DECR1: variants seen among roughly 807,000 people sequenced by gnomAD.
DECR1 encodes 2,4-dienoyl-CoA reductase [(3E)-enoyl-CoA-producing], mitochondrial.
In DECR1, 44 loss-of-function variants were observed where a neutral mutation model predicts 38.8. The ratio of observed to expected loss-of-function variants is 1.13; its 90% CI spans 0.89 to 1.46. The LOEUF (loss-of-function observed/expected upper bound fraction) is 1.46. DECR1 is among the 40% of genes most tolerant of loss of function. The probability of loss-of-function intolerance (pLI) is 0.00; values close to 1 mark genes in which losing one functional copy is unlikely to be tolerated. For synonymous variants in DECR1, 148 were observed against 135.2 expected (o/e 1.09, Z -0.66); for missense variants, 428 against 405.5 (o/e 1.06, Z -0.48).
Position 90,024,190 on chromosome 8 carries a change from G to A in DECR1, c.565+3134G>A, listed in dbSNP as rs140358708. Among the ~76,000 whole-genome samples, 629 of 152,332 alleles carry A rather than the reference G, an allele frequency of 4.1e-3. 8 individuals carry two copies. The highest frequency in any genetic ancestry group is 0.014 in the African/African-American group (589 of 41,552). On this transcript the variant is annotated intron_variant, in intron 5 of 9. Coordinates refer to ENST00000220764, the MANE Select transcript of DECR1 (RefSeq NM_001359.2). Reference sequence around the variant, plus strand: ...CCACAATAAGCATACATGTGCATATGTCTTTATAGCAGCATGATTTATAAT... The same window carrying A: ...CCACAATAAGCATACATGTGCATATATCTTTATAGCAGCATGATTTATAAT...
intron 2 of DECR1, among the ~76,000 whole-genome samples, chr8:90,017,859 A>C (rs1813048559): frequency 6.6e-6 from 1 of 152,184 alleles, no homozygotes; most frequent in South Asian, 2.1e-4. Context: ...TATACCAGGA[A>C]AATTGATGCA....
At chr8:90,023,050 C>T (rs1182984534) in intron 5 of DECR1, among the ~76,000 whole-genome samples, 1 of 152,102 alleles carries the variant, frequency 6.6e-6, no homozygotes, top group African/African-American at 2.4e-5. Flanking sequence ...GAGGGGAGTA[C>T]GCGGTAAAGG....
chr8:90,018,886 T>A (rs1485705295), intron 2 of DECR1, 23 bp from the exon 3 acceptor site: 1 of 1,535,984 alleles, frequency 6.5e-7, no homozygotes, highest in African/African-American at 1.4e-5. Context: ...TAATATGAAG[T>A]CATACAAGGT....
chr8:90,005,574 A>G (rs1437182439), intron 1 of DECR1: 5 of 390,900 alleles, frequency 1.3e-5, no homozygotes, highest in African/African-American at 6.3e-5. Context: ...AGGGCAGAAC[A>G]TTGTCCTCTG....
chr8:90,023,302 TGTA>T (rs1813212233), intron 5 of DECR1, among the ~76,000 whole-genome samples: 1 of 152,208 alleles, frequency 6.6e-6, no homozygotes, highest in South Asian at 2.1e-4. Flanking sequence ...GGTGTTTTCT[TGTA>T]GTATTTAGAA....
intron 5 of DECR1, among the ~76,000 whole-genome samples, chr8:90,022,433 T>C (rs73308410): frequency 0.021 from 3,134 of 152,270 alleles, 96 homozygotes; most frequent in African/African-American, 0.07. Flanking sequence ...TCCTGGTTAC[T>C]CATTTCCATG....
At chr8:90,020,600 C>T (rs1403041936) in intron 4 of DECR1, among the ~76,000 whole-genome samples, 3 of 152,088 alleles carry the variant, frequency 2.0e-5, no homozygotes, top group Non-Finnish European at 2.9e-5. Context: ...CGCTTTGTTG[C>T]CCAGCCTGGT....
At chr8:90,021,220 G>GTT (rs1813154651) in intron 5 of DECR1, among the ~76,000 whole-genome samples, 164 bp downstream of exon 5, 3 of 152,202 alleles carry the variant, frequency 2.0e-5, no homozygotes, top group East Asian at 3.8e-4. Flanking sequence ...GTTACAATTT[G>GTT]AGCAGTAATA....
intron 8 of DECR1, among the ~76,000 whole-genome samples, chr8:90,045,263 G>A (rs569757721): frequency 3.3e-5 from 5 of 152,166 alleles, no homozygotes; most frequent in African/African-American, 1.2e-4. Context: ...GGGGGTTGGG[G>A]AATTCCCTTT....
chr8:90,040,742 TGTTA>T (rs1003317663), intron 6 of DECR1, among the ~76,000 whole-genome samples: 10 of 152,264 alleles, frequency 6.6e-5, no homozygotes, highest in Non-Finnish European at 1.0e-4. Context: ...TCTGTTCCTG[TGTTA>T]GTTTGCTGAG....
At chr8:90,040,767 T>G (rs755490832) in intron 6 of DECR1, among the ~76,000 whole-genome samples, 5 of 152,188 alleles carry the variant, frequency 3.3e-5, no homozygotes, top group Non-Finnish European at 7.3e-5. Context: ...AATGACAGTT[T>G]CCAGCTTCAT....
intron 5 of DECR1, among the ~76,000 whole-genome samples, chr8:90,026,639 A>G (rs13251290): frequency 0.51 from 77,257 of 151,824 alleles, 21,984 homozygotes; most frequent in African/African-American, 0.77. Flanking sequence ...TCTTGCTGGC[A>G]GTCTATCAAT....
intron 1 of DECR1, chr8:90,005,177 G>A (rs1159356061): frequency 2.7e-6 from 1 of 365,084 alleles, no homozygotes; most frequent in Non-Finnish European, 5.3e-6. Flanking sequence ...TGGAGTTGGT[G>A]AAGTATGGGA....
At chr8:90,016,815 A>G (rs1813020426) in intron 1 of DECR1, 1 of 322,120 alleles carries the variant, frequency 3.1e-6, no homozygotes, top group Non-Finnish European at 5.9e-6. Flanking sequence ...TCACAATGCC[A>G]TATGAAGAAA....
chr8:90,043,962 A>G (rs1813825615), intron 7 of DECR1, among the ~76,000 whole-genome samples: 1 of 152,228 alleles, frequency 6.6e-6, no homozygotes, highest in South Asian at 2.1e-4. Context: ...ATCTACGGGT[A>G]CTGAGAAAGA....
chr8:90,023,792 T>G (rs915660005), intron 5 of DECR1, among the ~76,000 whole-genome samples: 1 of 152,168 alleles, frequency 6.6e-6, no homozygotes, highest in Admixed American at 6.6e-5. Context: ...TATGTATACA[T>G]GTGCCATGTT....
In DECR1 at chr8:90,021,057, G is replaced by C; in HGVS notation, c.565+1G>C. 1 of 1,570,610 alleles carries C rather than the reference G, an allele frequency of 6.4e-7. No individual in the cohort carries two copies. Among genetic ancestry groups the C allele is most frequent in the Non-Finnish European group, 8.6e-7 (1 of 1,164,596 alleles). ...AAACAACTAATTAAAGCACAGAAAG[G>C]TATGTTTATTTGCTTTTCTCATATT... On this transcript the variant is annotated splice_donor_variant, in intron 5 of 9. Coordinates refer to ENST00000220764, the MANE Select transcript of DECR1 (RefSeq NM_001359.2). LOFTEE classifies it high-confidence loss of function.
At chr8:90,031,609 G>A (rs1353115468) in intron 5 of DECR1, among the ~76,000 whole-genome samples, 1 of 152,072 alleles carries the variant, frequency 6.6e-6, no homozygotes, top group African/African-American at 2.4e-5. Flanking sequence ...GAGAATTAAG[G>A]ATTTTTAGAT....
chr8:90,007,309 G>A (rs1371016648), intron 1 of DECR1, among the ~76,000 whole-genome samples: 2 of 152,316 alleles, frequency 1.3e-5, no homozygotes, highest in East Asian at 3.9e-4. Context: ...CAGCTACCAG[G>A]AGCCCTTAGA....
Sources: gnomAD v4.1 joint callset for allele counts (sites outside exome capture counted in the v4.1 genomes callset) on GRCh38, gnomAD v4.1.1 for gene constraint, MANE v1.5 for transcripts, NCBI Gene and HGNC (gene_info 2026-07-23, HGNC 2026-07-21) for gene names.